The following ATAD2 variants were observed in gnomAD, a reference collection of about 807,000 sequenced individuals.
ATAD2 encodes the protein ATPase family AAA domain-containing protein 2.
ATAD2 carries 62 observed loss-of-function variants against 168.9 expected under a neutral mutation model. The observed-to-expected ratio is 0.37, with a 90% confidence interval of 0.30 to 0.45. The LOEUF is 0.45. ATAD2 is among the 20% of genes least tolerant of loss of function. The pLI, the probability that ATAD2 is intolerant of heterozygous loss-of-function variation, is 1.00. For synonymous variants in ATAD2, 613 were observed against 571.6 expected (o/e 1.07, Z -1.03); for missense variants, 1,419 against 1,667.8 (o/e 0.85, Z 2.60).
chr8:123,409,938 C>T (rs1425054155), intron 1 of ATAD2, among the ~76,000 whole-genome samples: 17 of 58,502 alleles, frequency 2.9e-4, no homozygotes, highest in Admixed American at 4.7e-4. Context: ...GACTCCATCT[C>T]GGAAAAAAAA....
intron 20 of ATAD2, among the ~76,000 whole-genome samples, chr8:123,338,223 C>T (rs1293816953): frequency 2.0e-5 from 3 of 152,046 alleles, no homozygotes; most frequent in Admixed American, 6.6e-5. Context: ...GGCGTGGTGG[C>T]GTGCGCCTGT....
At position 123,396,440 on chromosome 8, in the gene ATAD2, C is replaced by A; in HGVS notation, c.-83G>T. ...TCGCAGCTCTGGCTCTTCCGCGCTCCGAATTCTGGCGCCACAAGCTCCGCG... is the reference window on the plus strand; with the variant it reads ...TCGCAGCTCTGGCTCTTCCGCGCTCAGAATTCTGGCGCCACAAGCTCCGCG... On this transcript the variant is annotated 5_prime_UTR_variant, in exon 1 of 28. Transcript: ENST00000287394. The A allele has an allele frequency of 7.3e-7, 1 of 1,361,560 alleles. No homozygotes were observed. The highest frequency in any genetic ancestry group is 9.6e-7 in the Non-Finnish European group (1 of 1,040,934). The allele number at this position is 1,361,560 out of a possible 1,614,324, so 84.3% of individuals were successfully genotyped here.
chr8:123,327,617 C>T (rs1827649672), intron 25 of ATAD2, among the ~76,000 whole-genome samples: 1 of 152,088 alleles, frequency 6.6e-6, no homozygotes, highest in Admixed American at 6.6e-5. Flanking sequence ...TAATGTTTGG[C>T]TTTTCTAAAA....
In ATAD2 at chr8:123,337,694, T is replaced by C. The variant is rs1184136342; in HGVS notation, c.2982A>G (p.Arg994=). 1 of 1,613,830 alleles carries C rather than the reference T, an allele frequency of 6.2e-7. No individual in the cohort carries two copies. Among genetic ancestry groups the C allele is most frequent in the South Asian group, 1.1e-5 (1 of 90,940 alleles). Residue 994 remains arginine (R), a synonymous_variant, in exon 21 of 28, where the codon AGA becomes AGG. Transcript: ENST00000287394. ...CAATAGCAAGCCTATGTGTAACATT[T>C]CTTAAGAAAATCCTCAGTTCTCTAA... ...DTFRELRIFL[R]NVTHRLAIDK... is the part of the protein sequence containing the mutation.
chr8:123,399,086 C>G (rs1041170312), upstream of ATAD2, among the ~76,000 whole-genome samples: 3 of 151,992 alleles, frequency 2.0e-5, no homozygotes, highest in Non-Finnish European at 2.9e-5. Flanking sequence ...CATGGTGAAA[C>G]CCCGTCTCTA....
chr8:123,398,789 C>T (rs1019828506), upstream of ATAD2, among the ~76,000 whole-genome samples: 44 of 152,276 alleles, frequency 2.9e-4, no homozygotes, highest in African/African-American at 1.1e-3. Context: ...CAGGTGTGAG[C>T]CACCATGCCC....
intron 12 of ATAD2, 78 bp downstream of exon 12, chr8:123,357,484 T>C: frequency 7.7e-7 from 1 of 1,296,698 alleles, no homozygotes. Context: ...ACTGATTAAA[T>C]GTAAGATTTA....
intron 18 of ATAD2, among the ~76,000 whole-genome samples, chr8:123,345,371 TGTTA>T (rs1828202401): frequency 6.6e-6 from 1 of 152,096 alleles, no homozygotes; most frequent in East Asian, 1.9e-4. Context: ...GTTTTAAAAA[TGTTA>T]ATATAGCCAG....
At chr8:123,385,791 A>G (rs1195221361) in intron 1 of ATAD2, among the ~76,000 whole-genome samples, 1 of 152,158 alleles carries the variant, frequency 6.6e-6, no homozygotes, top group Non-Finnish European at 1.5e-5. Context: ...ATACACACAC[A>G]CACATATATA....
At chr8:123,401,895 C>T (rs1287630592) in intron 1 of ATAD2, 27 of 767,390 alleles carry the variant, frequency 3.5e-5, no homozygotes, top group Middle Eastern at 3.5e-4. Flanking sequence ...CAGGGTGTCT[C>T]GGGCTCCATC....
intron 24 of ATAD2, among the ~76,000 whole-genome samples, chr8:123,332,917 TC>T (rs1827811572): frequency 6.6e-6 from 1 of 152,136 alleles, no homozygotes; most frequent in African/African-American, 2.4e-5. Flanking sequence ...TTGCTAATTT[TC>T]TTCTCTTATC....
intron 11 of ATAD2, among the ~76,000 whole-genome samples, chr8:123,358,699 C>T: frequency 7.0e-6 from 1 of 142,184 alleles, no homozygotes; most frequent in Non-Finnish European, 1.5e-5. Flanking sequence ...CAGTGTTTAC[C>T]TGTGATTGAT....
At chr8:123,406,371 C>T (rs1161758155) in intron 1 of ATAD2, among the ~76,000 whole-genome samples, 1 of 106,128 alleles carries the variant, frequency 9.4e-6, no homozygotes, top group East Asian at 2.9e-4. Context: ...CAGAGCGGGA[C>T]ACTGTCTCAC....
chr8:123,390,729 G>C (rs1237487997), intron 1 of ATAD2, among the ~76,000 whole-genome samples: 1 of 152,164 alleles, frequency 6.6e-6, no homozygotes, highest in Non-Finnish European at 1.5e-5. Context: ...AAGTAAAAAT[G>C]TAGGTAAACA....
intron 13 of ATAD2, among the ~76,000 whole-genome samples, chr8:123,351,980 C>T (rs1204580368): frequency 2.0e-5 from 3 of 152,122 alleles, no homozygotes; most frequent in Non-Finnish European, 4.4e-5. Flanking sequence ...GATCTCCTGA[C>T]CTCGTGATCC....
intron 2 of ATAD2, among the ~76,000 whole-genome samples, chr8:123,375,682 A>T (rs1406768099): frequency 6.6e-6 from 1 of 152,228 alleles, no homozygotes; most frequent in African/African-American, 2.4e-5. Context: ...CAACAATAAG[A>T]AGTACTGAGC....
intron 13 of ATAD2, among the ~76,000 whole-genome samples, chr8:123,351,038 G>C (rs1375287659): frequency 6.6e-6 from 1 of 151,962 alleles, no homozygotes; most frequent in African/African-American, 2.4e-5. Flanking sequence ...ACCCGGCCTA[G>C]ATCTAGAAGC....
upstream of ATAD2, among the ~76,000 whole-genome samples, chr8:123,399,089 C>T (rs367837426): frequency 6.6e-6 from 1 of 151,948 alleles, no homozygotes; most frequent in South Asian, 2.1e-4. Context: ...GGTGAAACCC[C>T]GTCTCTACTG....
chr8:123,379,727 T>C (rs928815382), intron 2 of ATAD2, among the ~76,000 whole-genome samples: 1 of 151,594 alleles, frequency 6.6e-6, no homozygotes, highest in Non-Finnish European at 1.5e-5. Flanking sequence ...TATGCCCAGC[T>C]ATATTTTTTA....
Sources: gnomAD v4.1 joint callset for allele counts (sites outside exome capture counted in the v4.1 genomes callset) on GRCh38, gnomAD v4.1.1 for gene constraint, MANE v1.5 for transcripts, NCBI Gene and HGNC (gene_info 2026-07-23, HGNC 2026-07-21) for gene names.